The following MTUS1 variants were observed in gnomAD, a reference collection of about 807,000 sequenced individuals.
MTUS1 encodes the protein microtubule-associated tumor suppressor 1.
A neutral mutation model predicts 120.8 loss-of-function variants in MTUS1; 109 were observed. That is an observed-to-expected ratio of 0.90 (90% confidence interval 0.77 to 1.06). The LOEUF is 1.06. Among genes scored for constraint, MTUS1 ranks in the 50% least tolerant of loss-of-function variants. The pLI, the probability that MTUS1 is intolerant of heterozygous loss-of-function variation, is 0.00. For synonymous variants in MTUS1, 737 were observed against 550.5 expected (o/e 1.34, Z -4.74); for missense variants, 2,210 against 1,486.3 (o/e 1.49, Z -8.01).
At chr8:17,686,889 T>C (rs1192234759) in intron 6 of MTUS1, among the ~76,000 whole-genome samples, 1 of 152,212 alleles carries the variant, frequency 6.6e-6, no homozygotes, top group Non-Finnish European at 1.5e-5. Flanking sequence ...GTAAATATAT[T>C]ACCTATTCAA....
intron 4 of MTUS1, chr8:17,721,770 G>C: frequency 1.9e-6 from 3 of 1,614,026 alleles, no homozygotes; most frequent in Non-Finnish European, 2.5e-6. Flanking sequence ...ACGATCCCAC[G>C]ACCAGCAGTG....
intron 9 of MTUS1, among the ~76,000 whole-genome samples, chr8:17,655,491 A>C (rs2130249453): frequency 6.6e-6 from 1 of 152,296 alleles, no homozygotes; most frequent in South Asian, 2.1e-4. Context: ...ACTGTTTCCA[A>C]GGCAGGCGGA....
intron 3 of MTUS1, among the ~76,000 whole-genome samples, chr8:17,724,755 T>G (rs1187850240): frequency 6.6e-6 from 1 of 152,194 alleles, no homozygotes; most frequent in Admixed American, 6.5e-5. Context: ...TTGGAGAGTC[T>G]ATTTTCTCTA....
chr8:17,738,970 C>A (rs2904733), intron 3 of MTUS1, among the ~76,000 whole-genome samples: 6 of 151,406 alleles, frequency 4.0e-5, no homozygotes, highest in Middle Eastern at 3.4e-3. Context: ...GAGACCCCCC[C>A]ATCTCTACAA....
At chr8:17,748,363 C>G (rs1467370019) in intron 2 of MTUS1, 2 of 152,276 alleles carry the variant, frequency 1.3e-5, no homozygotes, top group African/African-American at 2.4e-5. Context: ...AATTATCTGC[C>G]TCCACCATCC....
intron 1 of MTUS1, chr8:17,758,203 GCCTGAATAAAA>G (rs1355839602): frequency 6.6e-6 from 1 of 152,154 alleles, no homozygotes; most frequent in Non-Finnish European, 1.5e-5. Flanking sequence ...AACTTCAGTG[GCCTGAATAAAA>G]CCAGAATAGG....
intron 2 of MTUS1, among the ~76,000 whole-genome samples, chr8:17,751,270 T>C (rs1397994039): frequency 6.6e-6 from 1 of 151,084 alleles, no homozygotes; most frequent in African/African-American, 2.4e-5. Flanking sequence ...CTGCACTCCA[T>C]CCTGGGTGAG....
chr8:17,798,801 T>C (rs1436331740), intron 1 of MTUS1, among the ~76,000 whole-genome samples: 1 of 152,204 alleles, frequency 6.6e-6, no homozygotes, highest in African/African-American at 2.4e-5. Context: ...ATGGGAAAAG[T>C]ATCTGCAATA....
intron 6 of MTUS1, among the ~76,000 whole-genome samples, chr8:17,693,849 T>C (rs906512756): frequency 1.3e-5 from 2 of 152,144 alleles, no homozygotes; most frequent in Non-Finnish European, 2.9e-5. Flanking sequence ...GCACCTACCA[T>C]TATGCCTGGT....
chr8:17,703,461 G>A lies in MTUS1; in HGVS notation c.2623+9753C>T, dbSNP rs145324924. Among the ~76,000 whole-genome samples, 110 of 151,988 alleles carry A rather than the reference G, an allele frequency of 7.2e-4. 1 individual carries two copies. Among genetic ancestry groups the A allele is most frequent in the African/African-American group, 2.2e-3 (93 of 41,460 alleles). ...ATCCTGGTTAACATGGTGAAACCCC[G>A]TCTCTACTAGAAATGTAAAAACTTT... On this transcript the variant is annotated intron_variant, in intron 6 of 14. Coordinates refer to ENST00000693296, the MANE Select transcript of MTUS1 (RefSeq NM_001363059.2).
intron 1 of MTUS1, among the ~76,000 whole-genome samples, chr8:17,757,517 T>C (rs1311712235): frequency 3.3e-5 from 5 of 152,204 alleles, no homozygotes; most frequent in Non-Finnish European, 5.9e-5. Flanking sequence ...TCTAAAACTT[T>C]TTGCAAATAA....
intron 4 of MTUS1, among the ~76,000 whole-genome samples, chr8:17,720,492 T>C (rs1472985064): frequency 1.3e-5 from 2 of 152,352 alleles, no homozygotes; most frequent in East Asian, 3.9e-4. Flanking sequence ...TCTCCTTCTG[T>C]TCCTTCCATT....
intron 14 of MTUS1, 78 bp from the exon 15 acceptor site, chr8:17,646,217 AC>A: frequency 7.2e-7 from 1 of 1,392,612 alleles, no homozygotes; most frequent in East Asian, 2.5e-5. Context: ...AGCGTTTGAA[AC>A]TTTAAAGTCC....
intron 8 of MTUS1, among the ~76,000 whole-genome samples, chr8:17,669,860 A>C (rs886566710): frequency 2.0e-5 from 3 of 151,492 alleles, no homozygotes; most frequent in Admixed American, 1.3e-4. Flanking sequence ...AACAAAAAAA[A>C]CAAAATGTCC....
chr8:17,755,492 G>C lies in MTUS1; in HGVS notation c.316C>G (p.Pro106Ala). The C allele has an allele frequency of 6.2e-7, 1 of 1,614,156 alleles. No homozygotes were observed. Among genetic ancestry groups the C allele is most frequent in the Non-Finnish European group, 8.5e-7 (1 of 1,180,000 alleles). Residue 106 changes from proline (P) to alanine (A), a missense_variant, in exon 2 of 15, where the codon CCT (proline) becomes GCT (alanine). By Grantham distance (27) the Pro-to-Ala change is conservative (BLOSUM62 -1). Transcript: ENST00000693296. Reference protein sequence around the residue: ...DMHKDSICQCPALVGTEKPKY... With the variant: ...DMHKDSICQCAALVGTEKPKY... ...GGCTTCTCAGTACCTACAAGTGCAG[G>C]ACACTGACAAATAGAATCTTTATGC...
chr8:17,650,859 C>T (rs764230976), intron 12 of MTUS1, among the ~76,000 whole-genome samples: 1 of 152,194 alleles, frequency 6.6e-6, no homozygotes, highest in African/African-American at 2.4e-5. Flanking sequence ...TACAGAAGAA[C>T]AGCATATGGT....
At chr8:17,764,964 A>G (rs1252235051) in intron 1 of MTUS1, among the ~76,000 whole-genome samples, 1 of 152,186 alleles carries the variant, frequency 6.6e-6, no homozygotes, top group Non-Finnish European at 1.5e-5. Flanking sequence ...TACATAATCA[A>G]ATAATTATAT....
At chr8:17,729,949 G>A (rs190432115) in intron 3 of MTUS1, among the ~76,000 whole-genome samples, 23 of 146,022 alleles carry the variant, frequency 1.6e-4, no homozygotes, top group African/African-American at 5.6e-4. Flanking sequence ...ACAATCGCGC[G>A]AGATACCACT....
chr8:17,674,691 C>G (rs1381359643), intron 8 of MTUS1: 4 of 987,592 alleles, frequency 4.1e-6, no homozygotes, highest in African/African-American at 1.7e-5. Flanking sequence ...CATCAGCCCC[C>G]CTCCAAATAG....
Sources: gnomAD v4.1 joint callset for allele counts (sites outside exome capture counted in the v4.1 genomes callset) on GRCh38, gnomAD v4.1.1 for gene constraint, MANE v1.5 for transcripts, NCBI Gene and HGNC (gene_info 2026-07-23, HGNC 2026-07-21) for gene names.